The following ITM2B variants were observed in gnomAD, a reference collection of about 807,000 sequenced individuals.
ITM2B encodes integral membrane protein 2B, also known as ABri/ADan amyloid peptide.
Under a neutral mutation model 27.8 loss-of-function variants are expected in ITM2B, and 11 were observed. The observed-to-expected ratio is 0.40, with a 90% confidence interval of 0.25 to 0.66. The LOEUF (loss-of-function observed/expected upper bound fraction) is 0.66. Ranked by LOEUF, ITM2B falls within the 30% of genes least tolerant of loss-of-function variation. The pLI is 0.43. For synonymous variants in ITM2B, 114 were observed against 114.3 expected (o/e 1.00, Z 0.02); for missense variants, 296 against 328.9 (o/e 0.90, Z 0.77).
At chr13:48,239,607 G>A (rs760432091) in intron 1 of ITM2B, among the ~76,000 whole-genome samples, 23 of 152,194 alleles carry the variant, frequency 1.5e-4, no homozygotes, top group Non-Finnish European at 1.0e-4. Context: ...ATTCCAGCCT[G>A]GGTGACACAG....
chr13:48,251,170 A>T (rs1290178951), intron 1 of ITM2B, among the ~76,000 whole-genome samples: 2 of 152,172 alleles, frequency 1.3e-5, no homozygotes, highest in African/African-American at 4.8e-5. Context: ...TCTCCACCAT[A>T]TTGGGCACTC....
intron 2 of ITM2B, among the ~76,000 whole-genome samples, chr13:48,255,244 T>TGCGCGCGCGC (rs1197588886): frequency 2.6e-5 from 4 of 151,504 alleles, no homozygotes; most frequent in African/African-American, 7.3e-5. Context: ...TGTGTGTGTG[T>TGCGCGCGCGC]GTGTGTGTGT....
At chr13:48,247,218 A>G (rs991329845) in intron 1 of ITM2B, among the ~76,000 whole-genome samples, 2 of 152,168 alleles carry the variant, frequency 1.3e-5, no homozygotes, top group Non-Finnish European at 1.5e-5. Context: ...CAGCCAAACA[A>G]CACATCTGTG....
chr13:48,238,353 A>G (rs757724041), intron 1 of ITM2B, among the ~76,000 whole-genome samples: 1 of 152,120 alleles, frequency 6.6e-6, no homozygotes, highest in Non-Finnish European at 1.5e-5. Context: ...AAGCTCTTTT[A>G]TTAGAGGAAA....
At chr13:48,234,519 TG>T (rs942428393) in intron 1 of ITM2B, among the ~76,000 whole-genome samples, 21 of 152,262 alleles carry the variant, frequency 1.4e-4, no homozygotes, top group African/African-American at 3.9e-4. Context: ...TTAAAAAAAT[TG>T]GTGTGCCACG....
rs1951825158 is a variant in ITM2B at position 48,261,875 on chromosome 13, AC to A, written c.*652del. On this transcript the variant is annotated 3_prime_UTR_variant, in exon 6 of 6. Coordinates refer to ENST00000647800, the MANE Select transcript of ITM2B (RefSeq NM_021999.5). Reference sequence around the variant, plus strand: ...AAATATCACAAAGTTGTTTAACTAGACTGCGTGTTGTTTTTCCCGTATAATA... The same window carrying A: ...AAATATCACAAAGTTGTTTAACTAGATGCGTGTTGTTTTTCCCGTATAATA... 1 of 152,562 alleles carries A rather than the reference AC, an allele frequency of 6.6e-6. No homozygotes were observed. Among genetic ancestry groups the A allele is most frequent in the African/African-American group, 2.4e-5 (1 of 41,446 alleles). The allele number at this position is 152,562 out of a possible 1,614,324, so 9.5% of individuals were successfully genotyped here.
chr13:48,236,175 C>T (rs1951667294), intron 1 of ITM2B, among the ~76,000 whole-genome samples: 2 of 152,282 alleles, frequency 1.3e-5, no homozygotes, highest in South Asian at 4.1e-4. Context: ...TTGTTTTCAC[C>T]TTCCTCCTCT....
In ITM2B at chr13:48,233,251, G is replaced by C. The variant is rs572688262; in HGVS notation, c.-110G>C. The C allele has an allele frequency of 1.1e-5, 7 of 625,880 alleles. No homozygotes were observed. Among genetic ancestry groups the C allele is most frequent in the Middle Eastern group, 4.2e-4 (1 of 2,376 alleles). The allele number at this position is 625,880 out of a possible 1,614,324, so 38.8% of individuals were successfully genotyped here. ...CGGAGCTTCCCGAACCTCTTCAGCC[G>C]CCCGGAGCCGCTCCCGGAGCCCGGC... On this transcript the variant is annotated 5_prime_UTR_variant, in exon 1 of 6. Coordinates refer to ENST00000647800, the MANE Select transcript of ITM2B (RefSeq NM_021999.5).
At position 48,237,467 on chromosome 13, in the gene ITM2B, C is replaced by G. The variant is rs555707790; in HGVS notation, c.117+3990C>G. Among the ~76,000 whole-genome samples the G allele has an allele frequency of 1.4e-4, 22 of 152,308 alleles. No individual in the cohort carries two copies. The South Asian group carries it at 4.4e-3, about 30-fold the overall frequency. On this transcript the variant is annotated intron_variant, in intron 1 of 5. Transcript: ENST00000647800. ...TGGGTGTGCAAGGTTGCATATTGCA[C>G]AGGATTGTAGTCTTCCCAACTAGAC...
At chr13:48,258,999 A>T in intron 5 of ITM2B, 52 bp downstream of exon 5, 1 of 1,426,346 alleles carries the variant, frequency 7.0e-7, no homozygotes, top group Non-Finnish European at 9.8e-7. Flanking sequence ...ATTGCATTAA[A>T]CTAGATTTAG....
chr13:48,248,790 A>C (rs1474844662), intron 1 of ITM2B, among the ~76,000 whole-genome samples: 3 of 152,260 alleles, frequency 2.0e-5, no homozygotes, highest in South Asian at 2.1e-4. Context: ...GTCCTGGGCC[A>C]CACACGGCCA....
At chr13:48,235,013 C>CATATATATATAT (rs58490404) in intron 1 of ITM2B, among the ~76,000 whole-genome samples, 4 of 149,834 alleles carry the variant, frequency 2.7e-5, no homozygotes, top group South Asian at 2.1e-4. Flanking sequence ...AATGCTATCA[C>CATATATATATAT]ATATATATAT....
At chr13:48,256,601 C>T (rs568321548) in intron 3 of ITM2B, among the ~76,000 whole-genome samples, 9 of 152,280 alleles carry the variant, frequency 5.9e-5, no homozygotes, top group African/African-American at 2.2e-4. Context: ...TCTTAAAGCC[C>T]ACCTCATGAC....
rs146129790 is a variant in ITM2B, at chr13:48,245,465, C to T, written c.118-8343C>T. Among the ~76,000 whole-genome samples the T allele has an allele frequency of 5.6e-4, 85 of 151,530 alleles. No individual in the cohort carries two copies. In the East Asian group the frequency reaches 0.015, roughly 28 times the overall value. ...ATTCATATAAATATTCTACTTTGCA[C>T]TAATCTGCTTGTCTCTGATACAAAA... On this transcript the variant is annotated intron_variant, in intron 1 of 5. Transcript: ENST00000647800.
At position 48,253,892 on chromosome 13, in the gene ITM2B, G is replaced by T. The variant is rs751925702; in HGVS notation, c.202G>T (p.Val68Phe). ...TGGACTAGCATTTATGCTTGCAGGTGTTATTCTAGGAGGAGCATACTTGTA... is the reference window on the plus strand; with the variant it reads ...TGGACTAGCATTTATGCTTGCAGGTTTTATTCTAGGAGGAGCATACTTGTA... Reference protein sequence around the residue: ...CFGLAFMLAGVILGGAYLYKY... With the variant: ...CFGLAFMLAGFILGGAYLYKY... Residue 68 changes from valine to phenylalanine, a missense_variant, in exon 2 of 6, where the codon GTT (valine) becomes TTT (phenylalanine). By Grantham distance (50) the Val-to-Phe change is conservative. Coordinates refer to ENST00000647800, the MANE Select transcript of ITM2B (RefSeq NM_021999.5). 6 of 1,613,560 alleles carry T rather than the reference G, an allele frequency of 3.7e-6. No individual in the cohort carries two copies. In the South Asian group the frequency reaches 5.5e-5, roughly 15 times the overall value.
At position 48,243,796 on chromosome 13, in the gene ITM2B, G is replaced by A. The variant is rs193099588; in HGVS notation, c.118-10012G>A. Reference sequence around the variant, plus strand: ...TGCACTATTACACTCTAGCTGGGGTGACAGAGCAAGACCCTGTCTCAAAAA... The same window carrying A: ...TGCACTATTACACTCTAGCTGGGGTAACAGAGCAAGACCCTGTCTCAAAAA... On this transcript the variant is annotated intron_variant, in intron 1 of 5. Coordinates refer to ENST00000647800, the MANE Select transcript of ITM2B (RefSeq NM_021999.5). Among the ~76,000 whole-genome samples the A allele has an allele frequency of 2.6e-3, 397 of 151,940 alleles. 4 individuals carry two copies. The highest frequency in any genetic ancestry group is 0.015 in the South Asian group (70 of 4,812).
intron 1 of ITM2B, among the ~76,000 whole-genome samples, chr13:48,233,804 C>T (rs1405078339): frequency 6.6e-6 from 1 of 152,098 alleles, no homozygotes; most frequent in Non-Finnish European, 1.5e-5. Flanking sequence ...GATCTGGGGA[C>T]CGGCAGCGAC....
chr13:48,239,232 C>G (rs922817484), intron 1 of ITM2B, among the ~76,000 whole-genome samples: 2 of 152,234 alleles, frequency 1.3e-5, no homozygotes, highest in East Asian at 3.9e-4. Flanking sequence ...TCAGTTTTAC[C>G]TAGGGCCGTG....
intron 2 of ITM2B, among the ~76,000 whole-genome samples, chr13:48,255,346 C>T (rs771498079): frequency 8.6e-5 from 13 of 152,032 alleles, no homozygotes; most frequent in Non-Finnish European, 1.8e-4. Flanking sequence ...GGCTGGAGTG[C>T]GGTGGTGCAA....
Sources: gnomAD v4.1 joint callset for allele counts (sites outside exome capture counted in the v4.1 genomes callset) on GRCh38, gnomAD v4.1.1 for gene constraint, MANE v1.5 for transcripts, NCBI Gene and HGNC (gene_info 2026-07-23, HGNC 2026-07-21) for gene names.